Variants in NUP35 observed in about 807,000 individuals in gnomAD.
NUP35 encodes the protein nucleoporin NUP35.
NUP35 carries 25 observed loss-of-function variants against 41.5 expected under a neutral mutation model. The ratio of observed to expected loss-of-function variants is 0.60; its 90% CI spans 0.44 to 0.84. NUP35 has a LOEUF of 0.84. Ranked by LOEUF, NUP35 falls within the 40% of genes least tolerant of loss-of-function variation. The probability of loss-of-function intolerance (pLI) is 0.00; values close to 1 mark genes in which losing one functional copy is unlikely to be tolerated. For synonymous variants in NUP35, 149 were observed against 130.7 expected, an observed-to-expected ratio of 1.14 and a Z score of -0.96; for missense variants, 396 against 396.6, an observed-to-expected ratio of 1.00 and a Z score of 0.01.
In NUP35 at chr2:183,152,110, AACACACACACAC is replaced by A. The variant is rs67798004; in HGVS notation, c.539+495_539+506del. ...TGAATTAACAGAATGAACATTTACA[AACACACACACAC>A]ACACACACACACACACACACACACA... On this transcript the variant is annotated intron_variant, in intron 5 of 8. Transcript: ENST00000295119. Among the ~76,000 whole-genome samples the A allele has an allele frequency of 3.4e-3, 388 of 113,460 alleles. 3 individuals are homozygous for A. The highest frequency in any genetic ancestry group is 0.01 in the African/African-American group (352 of 34,320). The allele number at this position is 113,460 out of a possible 152,430, so 74.4% of individuals were successfully genotyped here.
rs753619241 is a variant in NUP35, at chr2:183,159,600, C to A, written c.851C>A (p.Ser284Tyr). 2.5e-6 allele frequency: 4 copies of A among 1,613,368 alleles called. No homozygotes were observed. The highest frequency in any genetic ancestry group is 1.3e-5 in the African/African-American group (1 of 74,890). Residue 284 changes from serine (S) to tyrosine (Y), a missense_variant, in exon 8 of 9, where the codon TCT becomes TAT. Physicochemically the swap from Ser to Tyr is moderately radical, Grantham distance 144. Coordinates refer to ENST00000295119, the MANE Select transcript of NUP35 (RefSeq NM_138285.5). ...CAACCTGGAAGTACTCCTAGGATTT[C>A]TACCATGAGACCTCTTGCTACAGCA... Reference protein sequence around the residue: ...PTQPGSTPRISTMRPLATAYK... With the variant: ...PTQPGSTPRIYTMRPLATAYK...
intron 4 of NUP35, among the ~76,000 whole-genome samples, chr2:183,135,222 A>G (rs1684833681): frequency 6.6e-6 from 1 of 152,192 alleles, no homozygotes; most frequent in African/African-American, 2.4e-5. Context: ...TAGGTCATGG[A>G]CATCATTTGG....
At chr2:183,154,732 T>C (rs1685588390) in intron 5 of NUP35, among the ~76,000 whole-genome samples, 1 of 152,186 alleles carries the variant, frequency 6.6e-6, no homozygotes, top group South Asian at 2.1e-4. Context: ...AACCTCTGCC[T>C]ATTAGCCAGT....
At position 183,149,829 on chromosome 2, in the gene NUP35, C is replaced by T. The variant is rs114855826; in HGVS notation, c.398-1679C>T. 2.4e-3 allele frequency among the ~76,000 whole-genome samples: 362 copies of T among 152,180 alleles called. 3 individuals carry two copies. The highest frequency in any genetic ancestry group is 8.3e-3 in the African/African-American group (346 of 41,518). On this transcript the variant is annotated intron_variant, in intron 4 of 8. Coordinates refer to ENST00000295119, the MANE Select transcript of NUP35 (RefSeq NM_138285.5). ...TAATTTGTTAAATGGACTAATTGGACCTTTTGTAGGATTGTTAGAATTAAA... is the reference window on the plus strand; with the variant it reads ...TAATTTGTTAAATGGACTAATTGGATCTTTTGTAGGATTGTTAGAATTAAA...
chr2:183,154,767 G>T (rs1200393308), intron 5 of NUP35, among the ~76,000 whole-genome samples: 1 of 151,898 alleles, frequency 6.6e-6, no homozygotes, highest in East Asian at 1.9e-4. Context: ...CACATTTTTG[G>T]GTATCTTTTC....
intron 1 of NUP35, among the ~76,000 whole-genome samples, chr2:183,127,372 C>T (rs1312565606): frequency 6.6e-6 from 1 of 151,870 alleles, no homozygotes; most frequent in African/African-American, 2.4e-5. Flanking sequence ...CCTGCCTTGG[C>T]CTCCCAAAGT....
upstream of NUP35, among the ~76,000 whole-genome samples, chr2:183,122,082 CTT>C (rs1337480383): frequency 4.9e-5 from 7 of 143,458 alleles, no homozygotes; most frequent in Admixed American, 7.0e-5. Context: ...TTTTTCTTTT[CTT>C]TTTTTTTTTT....
intron 3 of NUP35, among the ~76,000 whole-genome samples, chr2:183,131,671 A>G (rs928141429): frequency 2.0e-5 from 3 of 152,224 alleles, no homozygotes; most frequent in Non-Finnish European, 4.4e-5. Context: ...GATACACTTT[A>G]AGTATAAAAT....
intron 5 of NUP35, among the ~76,000 whole-genome samples, chr2:183,153,812 A>G (rs1575134957): frequency 6.6e-6 from 1 of 152,318 alleles, no homozygotes; most frequent in Non-Finnish European, 1.5e-5. Flanking sequence ...GTGCCCTAGT[A>G]GGGACCCTGT....
chr2:183,138,797 G>T (rs1311997366), intron 4 of NUP35, among the ~76,000 whole-genome samples: 4 of 146,674 alleles, frequency 2.7e-5, no homozygotes, highest in African/African-American at 1.0e-4. Flanking sequence ...AATCATTTGT[G>T]TTAGCATATT....
upstream of NUP35, chr2:183,123,818 G>C: frequency 1.0e-6 from 1 of 985,232 alleles, no homozygotes; most frequent in Non-Finnish European, 1.2e-6. Context: ...CGGTGTGGAG[G>C]GTTCGTGGGT....
chr2:183,140,481 C>T (rs1685051799), intron 4 of NUP35, among the ~76,000 whole-genome samples: 1 of 152,042 alleles, frequency 6.6e-6, no homozygotes, highest in Non-Finnish European at 1.5e-5. Context: ...ATTGAGTGGT[C>T]TCTAGTTATG....
chr2:183,138,269 A>ATATATATTTTTTTTTTTT, intron 4 of NUP35, among the ~76,000 whole-genome samples: 4 of 80,690 alleles, frequency 5.0e-5, no homozygotes, highest in Non-Finnish European at 6.6e-5. Flanking sequence ...ATATATATAT[A>ATATATATTTTTTTTTTTT]TTTTTTTTTT....
chr2:183,152,506 C>T (rs979815574), intron 5 of NUP35, among the ~76,000 whole-genome samples: 17 of 152,320 alleles, frequency 1.1e-4, no homozygotes, highest in African/African-American at 3.6e-4. Context: ...CATAGCTTAG[C>T]TCCCACTTAT....
chr2:183,118,262 T>A (rs1432303473), intron 1 of NUP35: 3 of 152,198 alleles, frequency 2.0e-5, no homozygotes, highest in Admixed American at 2.0e-4. Flanking sequence ...AAAAAAGTAT[T>A]GTAATCAAGA....
chr2:183,148,539 C>G (rs1311707931), intron 4 of NUP35, among the ~76,000 whole-genome samples: 1 of 152,138 alleles, frequency 6.6e-6, no homozygotes, highest in African/African-American at 2.4e-5. Flanking sequence ...TTGCATTTCT[C>G]TGATGATTTG....
Position 183,157,488 on chromosome 2 carries a change from A to G in NUP35, c.584A>G (p.Gln195Arg). The G allele has an allele frequency of 6.2e-7, 1 of 1,612,220 alleles. No homozygotes were observed. The highest frequency in any genetic ancestry group is 8.5e-7 in the Non-Finnish European group (1 of 1,178,448). The stretch of plus-strand genomic sequence containing the variant: ...TCCTACATATTACTACAATTTGCAC[A>G]GTATGGGAATATCTTAAAACATGTG... ...SASYILLQFAQYGNILKHVMS... is the reference protein window; with the variant it reads ...SASYILLQFARYGNILKHVMS... Residue 195 changes from glutamine (Q) to arginine (R), a missense_variant, in exon 6 of 9, where the codon CAG becomes CGG. Coordinates refer to ENST00000295119, the MANE Select transcript of NUP35 (RefSeq NM_138285.5).
At chr2:183,158,133 C>G in intron 6 of NUP35, 150 bp from the exon 7 acceptor site, 1 of 494,776 alleles carries the variant, frequency 2.0e-6, no homozygotes, top group Non-Finnish European at 3.5e-6. Flanking sequence ...GTTCTAAATA[C>G]GATTTTTGTT....
At chr2:183,138,127 A>T (rs972605416) in intron 4 of NUP35, among the ~76,000 whole-genome samples, 6 of 151,696 alleles carry the variant, frequency 4.0e-5, no homozygotes, top group African/African-American at 1.5e-4. Flanking sequence ...GACAAAGAAT[A>T]TTTTTGAAAA....
Sources: gnomAD v4.1 joint callset for allele counts (sites outside exome capture counted in the v4.1 genomes callset) on GRCh38, gnomAD v4.1.1 for gene constraint, MANE v1.5 for transcripts, NCBI Gene and HGNC (gene_info 2026-07-23, HGNC 2026-07-21) for gene names.